NAALADL2: variants seen among roughly 807,000 people sequenced by gnomAD.
NAALADL2 encodes the protein N-acetylated alpha-linked acidic dipeptidase like 2, also known as inactive N-acetylated-alpha-linked acidic dipeptidase-like protein 2.
In NAALADL2, 76 loss-of-function variants were observed where a neutral mutation model predicts 87.2. That is an observed-to-expected ratio of 0.87 (90% CI 0.72 to 1.05). The LOEUF (loss-of-function observed/expected upper bound fraction) is 1.05. NAALADL2 is among the 50% of genes least tolerant of loss of function. The probability of loss-of-function intolerance (pLI) is 0.00; values close to 1 mark genes in which losing one functional copy is unlikely to be tolerated. For missense variants in NAALADL2, 1,089 were observed against 945.8 expected, an observed-to-expected ratio of 1.15 and a Z score of -1.99; for synonymous variants, 354 against 331.0, an observed-to-expected ratio of 1.07 and a Z score of -0.75.
intron 13 of NAALADL2, among the ~76,000 whole-genome samples, chr3:175,782,011 C>G (rs1167171987): frequency 6.6e-6 from 1 of 151,196 alleles, no homozygotes; most frequent in Non-Finnish European, 1.5e-5. Context: ...CAATTTCATC[C>G]ATGTCCCTAC....
chr3:175,780,965 G>A (rs1356748306), intron 13 of NAALADL2, among the ~76,000 whole-genome samples: 6 of 152,162 alleles, frequency 3.9e-5, no homozygotes, highest in African/African-American at 1.2e-4. Context: ...AAAGGCACAT[G>A]AGAGATTAAT....
chr3:174,861,483 T>A (rs16865209), intron 1 of NAALADL2, among the ~76,000 whole-genome samples: 6,827 of 152,164 alleles, frequency 0.045, 528 homozygotes, highest in African/African-American at 0.16. Flanking sequence ...ATGACATTTA[T>A]AAAAAATTCT....
intron 1 of NAALADL2, among the ~76,000 whole-genome samples, chr3:174,979,253 A>G (rs1744776213): frequency 6.9e-6 from 1 of 144,814 alleles, no homozygotes; most frequent in Non-Finnish European, 1.5e-5. Flanking sequence ...TGATCACAGT[A>G]TTGTAATAAA....
chr3:174,907,651 C>A (rs1252574356), intron 1 of NAALADL2, among the ~76,000 whole-genome samples: 3 of 152,028 alleles, frequency 2.0e-5, no homozygotes, highest in Non-Finnish European at 4.4e-5. Context: ...TAGTGTCTTC[C>A]TTTTCTATGA....
At chr3:174,491,472 T>A (rs1054126100) in intron 1 of NAALADL2, among the ~76,000 whole-genome samples, 1 of 152,208 alleles carries the variant, frequency 6.6e-6, no homozygotes, top group African/African-American at 2.4e-5. Context: ...TAGTACTCTG[T>A]GAATAATTTA....
intron 3 of NAALADL2, among the ~76,000 whole-genome samples, chr3:174,757,636 T>C (rs1356129765): frequency 6.6e-6 from 1 of 151,958 alleles, no homozygotes; most frequent in East Asian, 1.9e-4. Flanking sequence ...GGACTACAGG[T>C]ACGCACCACC....
intron 10 of NAALADL2, among the ~76,000 whole-genome samples, chr3:175,613,089 C>T (rs771110364): frequency 3.3e-5 from 5 of 152,076 alleles, no homozygotes; most frequent in Admixed American, 6.6e-5. Context: ...GGACCCTCCT[C>T]CAGGACTTCA....
intron 1 of NAALADL2, among the ~76,000 whole-genome samples, chr3:175,043,765 T>C (rs1013983405): frequency 6.6e-6 from 1 of 152,166 alleles, no homozygotes; most frequent in African/African-American, 2.4e-5. Context: ...TACCATACTG[T>C]TTCAATTACT....
At chr3:175,370,149 G>T (rs1299459197) in intron 5 of NAALADL2, among the ~76,000 whole-genome samples, 1 of 152,034 alleles carries the variant, frequency 6.6e-6, no homozygotes, top group African/African-American at 2.4e-5. Context: ...ATCAAACTCT[G>T]AGTAAAATGG....
At chr3:175,013,294 T>TAAA (rs1750373900) in intron 1 of NAALADL2, among the ~76,000 whole-genome samples, 1 of 84,134 alleles carries the variant, frequency 1.2e-5, no homozygotes, top group African/African-American at 7.1e-5. Flanking sequence ...TATATATATA[T>TAAA]ATATATATTT....
At chr3:175,569,714 C>T (rs1159752546) in intron 9 of NAALADL2, among the ~76,000 whole-genome samples, 1 of 151,836 alleles carries the variant, frequency 6.6e-6, no homozygotes, top group East Asian at 1.9e-4. Flanking sequence ...TAGAACTTAC[C>T]GTGATGGCAC....
At chr3:175,772,821 A>C (rs1749687342) in intron 13 of NAALADL2, among the ~76,000 whole-genome samples, 1 of 152,126 alleles carries the variant, frequency 6.6e-6, no homozygotes, top group Admixed American at 6.6e-5. Context: ...GTTGTAACCT[A>C]ACTTCTGTGA....
intron 13 of NAALADL2, chr3:175,774,818 A>G (rs1475304728): frequency 6.6e-6 from 1 of 152,088 alleles, no homozygotes; most frequent in African/African-American, 2.4e-5. Context: ...TATAACATTA[A>G]TAATTTTTAT....
intron 11 of NAALADL2, among the ~76,000 whole-genome samples, chr3:175,719,156 C>A (rs1741845765): frequency 1.3e-5 from 2 of 151,764 alleles, no homozygotes; most frequent in African/African-American, 4.8e-5. Flanking sequence ...GTGATTTTGC[C>A]CCCAGGGAAC....
chr3:175,112,049 T>A (rs1015416873), intron 2 of NAALADL2, among the ~76,000 whole-genome samples: 2 of 151,620 alleles, frequency 1.3e-5, no homozygotes, highest in African/African-American at 2.4e-5. Flanking sequence ...TTTAAATAAA[T>A]GCATAAATAC....
chr3:174,924,551 A>G (rs1387085485), intron 1 of NAALADL2, among the ~76,000 whole-genome samples: 1 of 152,040 alleles, frequency 6.6e-6, no homozygotes, highest in African/African-American at 2.4e-5. Context: ...TAGCAGTATG[A>G]TTTATAATCC....
chr3:175,377,386 GT>G (rs1176482016), intron 5 of NAALADL2, among the ~76,000 whole-genome samples: 3 of 151,968 alleles, frequency 2.0e-5, no homozygotes, highest in East Asian at 1.9e-4. Context: ...GATATTATCA[GT>G]TTTTTTTAAT....
chr3:174,505,385 G>A (rs1432097171), intron 1 of NAALADL2, among the ~76,000 whole-genome samples: 3 of 152,154 alleles, frequency 2.0e-5, no homozygotes, highest in African/African-American at 7.2e-5. Context: ...ATTATTTTTA[G>A]TAATTTGCAG....
intron 11 of NAALADL2, among the ~76,000 whole-genome samples, chr3:175,699,816 T>C (rs1738734571): frequency 6.6e-6 from 1 of 152,074 alleles, no homozygotes; most frequent in Non-Finnish European, 1.5e-5. Flanking sequence ...TTGTAATAGG[T>C]CCTCTTAAAT....
Sources: allele counts gnomAD v4.1 joint callset (sites outside exome capture counted in the v4.1 genomes callset), GRCh38; gene constraint gnomAD v4.1.1; transcripts MANE v1.5; gene names NCBI Gene and HGNC (gene_info 2026-07-23, HGNC 2026-07-21).